EEPD1: variants seen among roughly 807,000 people sequenced by gnomAD.
The protein encoded by EEPD1 is endonuclease/exonuclease/phosphatase family domain containing 1.
A neutral mutation model predicts 46.3 loss-of-function variants in EEPD1; 17 were observed. The observed-to-expected ratio is 0.37, with a 90% CI of 0.25 to 0.55. The LOEUF is 0.55. Ranked by LOEUF, EEPD1 falls within the 20% of genes least tolerant of loss-of-function variation. The pLI is 0.83. For synonymous variants in EEPD1, 313 were observed against 315.6 expected, an observed-to-expected ratio of 0.99 and a Z score of 0.09; for missense variants, 673 against 745.6, an observed-to-expected ratio of 0.90 and a Z score of 1.13.
Position 36,300,985 on chromosome 7 carries a change from C to T in EEPD1, c.*1779C>T, listed in dbSNP as rs1348552829. On this transcript the variant is annotated 3_prime_UTR_variant, in exon 8 of 8. Coordinates refer to ENST00000242108, the MANE Select transcript of EEPD1 (RefSeq NM_030636.3). ...GATGCTACCAGGGAGCACATCGTTT[C>T]TGGTGCCTCATCTAAAGGTGAAACC... The T allele has an allele frequency of 6.6e-6, 1 of 152,266 alleles. No homozygotes were observed. The highest frequency in any genetic ancestry group is 1.5e-5 in the Non-Finnish European group (1 of 68,068). 9.4% of individuals were successfully genotyped at this position (152,266 alleles called of 1,614,324 possible).
At chr7:36,192,021 G>A (rs1029782484) in intron 2 of EEPD1, among the ~76,000 whole-genome samples, 3 of 152,154 alleles carry the variant, frequency 2.0e-5, no homozygotes, top group Non-Finnish European at 4.4e-5. Context: ...GACTCTTTCC[G>A]CGTTGTCGAA....
intron 2 of EEPD1, among the ~76,000 whole-genome samples, chr7:36,167,791 G>T (rs1352186964): frequency 6.6e-6 from 1 of 152,026 alleles, no homozygotes. Flanking sequence ...TCTCAGCTCA[G>T]TGCAACCTGT....
chr7:36,292,756 C>T (rs1259007952), intron 6 of EEPD1, among the ~76,000 whole-genome samples: 3 of 152,190 alleles, frequency 2.0e-5, no homozygotes, highest in Non-Finnish European at 4.4e-5. Flanking sequence ...GATCCCCTGC[C>T]TCAGCCTCCC....
chr7:36,181,120 G>A lies in EEPD1; in HGVS notation c.878+25918G>A, dbSNP rs1381331586. 2.0e-5 allele frequency among the ~76,000 whole-genome samples: 3 copies of A among 152,148 alleles called. No individual in the cohort carries two copies. The South Asian group carries it at 6.2e-4, about 32-fold the overall frequency. ...TTTGACAAGCTCCCTGGTAATGCTG[G>A]CAAAGGCAGAAGTTTAGGGACCACT... On this transcript the variant is annotated intron_variant, in intron 2 of 7. Transcript: ENST00000242108.
intron 2 of EEPD1, among the ~76,000 whole-genome samples, chr7:36,235,699 C>T (rs1276356108): frequency 2.0e-5 from 3 of 152,202 alleles, no homozygotes; most frequent in African/African-American, 4.8e-5. Flanking sequence ...CCTTTGCAAG[C>T]GATGGCTTTA....
intron 3 of EEPD1, among the ~76,000 whole-genome samples, chr7:36,275,747 A>G (rs1787172740): frequency 6.6e-6 from 1 of 152,222 alleles, no homozygotes; most frequent in South Asian, 2.1e-4. Context: ...GGTGTGAGCC[A>G]CTGCGCCCGA....
At chr7:36,221,267 C>G (rs1786142300) in intron 2 of EEPD1, among the ~76,000 whole-genome samples, 1 of 152,178 alleles carries the variant, frequency 6.6e-6, no homozygotes, top group Non-Finnish European at 1.5e-5. Context: ...TTTTAATAAA[C>G]TTGCATTTTG....
intron 2 of EEPD1, among the ~76,000 whole-genome samples, chr7:36,183,942 A>G (rs1202746075): frequency 6.8e-6 from 1 of 148,106 alleles, no homozygotes; most frequent in Non-Finnish European, 1.5e-5. Flanking sequence ...AAACAGCCGC[A>G]AATTCTTTGT....
chr7:36,211,925 C>CAAA (rs34244121), intron 2 of EEPD1, among the ~76,000 whole-genome samples: 2 of 107,086 alleles, frequency 1.9e-5, no homozygotes, highest in Non-Finnish European at 4.1e-5. Context: ...GACTCCATCT[C>CAAA]AAAAAAAAAA....
chr7:36,279,839 C>A (rs1210692031), intron 3 of EEPD1, among the ~76,000 whole-genome samples: 1 of 152,188 alleles, frequency 6.6e-6, no homozygotes, highest in Non-Finnish European at 1.5e-5. Context: ...ACTTTGAGGA[C>A]CGCAGAGAGG....
At chr7:36,261,346 T>C (rs1230431562) in intron 3 of EEPD1, among the ~76,000 whole-genome samples, 6 of 152,188 alleles carry the variant, frequency 3.9e-5, no homozygotes, top group African/African-American at 1.4e-4. Context: ...CCCTTGGGTA[T>C]ATCCTAAGCA....
intron 2 of EEPD1, among the ~76,000 whole-genome samples, chr7:36,156,344 G>A (rs1784824765): frequency 6.6e-6 from 1 of 152,180 alleles, no homozygotes; most frequent in Non-Finnish European, 1.5e-5. Context: ...ACTCCACACT[G>A]GGTCAGGGAA....
At chr7:36,171,607 CAG>C (rs1235821774) in intron 2 of EEPD1, among the ~76,000 whole-genome samples, 1 of 152,232 alleles carries the variant, frequency 6.6e-6, no homozygotes, top group Non-Finnish European at 1.5e-5. Flanking sequence ...TCTCCACCCA[CAG>C]AGTGTCTGAG....
chr7:36,220,842 C>A (rs987317520), intron 2 of EEPD1, among the ~76,000 whole-genome samples: 1 of 152,136 alleles, frequency 6.6e-6, no homozygotes, highest in Non-Finnish European at 1.5e-5. Flanking sequence ...CTCTGGTGCC[C>A]AGGCTAGAAT....
chr7:36,186,709 A>G (rs1785364195), intron 2 of EEPD1, among the ~76,000 whole-genome samples: 1 of 152,282 alleles, frequency 6.6e-6, no homozygotes, highest in African/African-American at 2.4e-5. Flanking sequence ...CTAAGGCTGC[A>G]TGAATGTGTA....
chr7:36,275,664 G>A (rs1583475272), intron 3 of EEPD1, among the ~76,000 whole-genome samples: 1 of 152,166 alleles, frequency 6.6e-6, no homozygotes, highest in East Asian at 1.9e-4. Flanking sequence ...GTTTCACCAT[G>A]TTGGTCAGGC....
chr7:36,282,039 T>A (rs905652763), intron 4 of EEPD1, among the ~76,000 whole-genome samples: 2 of 152,236 alleles, frequency 1.3e-5, no homozygotes, highest in Non-Finnish European at 2.9e-5. Context: ...ACTCTCTTTT[T>A]AGCTACTACT....
chr7:36,282,986 A>C (rs769012588), intron 4 of EEPD1, among the ~76,000 whole-genome samples: 6 of 152,224 alleles, frequency 3.9e-5, no homozygotes, highest in Non-Finnish European at 7.4e-5. Flanking sequence ...AGACAAACAT[A>C]AGAAAGTGGG....
chr7:36,243,146 C>T (rs1316463217), intron 3 of EEPD1, among the ~76,000 whole-genome samples: 1 of 152,154 alleles, frequency 6.6e-6, no homozygotes, highest in East Asian at 1.9e-4. Flanking sequence ...AATTCAGACC[C>T]CCTGAATCAG....
Sources: allele counts gnomAD v4.1 joint callset (sites outside exome capture counted in the v4.1 genomes callset), GRCh38; gene constraint gnomAD v4.1.1; transcripts MANE v1.5; gene names NCBI Gene and HGNC (gene_info 2026-07-23, HGNC 2026-07-21).